Variants in GRID2 observed in about 807,000 individuals in gnomAD.
GRID2 encodes the protein glutamate ionotropic receptor delta type subunit 2, also known as glutamate receptor ionotropic, delta-2.
A neutral mutation model predicts 114.8 loss-of-function variants in GRID2; 33 were observed. That is an observed-to-expected ratio of 0.29 (90% CI 0.22 to 0.38). GRID2 has a LOEUF of 0.38. Among genes scored for constraint, GRID2 ranks in the 10% least tolerant of loss-of-function variants. The pLI is 1.00. For missense variants in GRID2, 1,184 were observed against 1,257.7 expected (o/e 0.94, Z 0.89); for synonymous variants, 505 against 449.9 (o/e 1.12, Z -1.55).
intron 8 of GRID2, among the ~76,000 whole-genome samples, chr4:93,334,325 C>A (rs1758806855): frequency 6.6e-6 from 1 of 152,106 alleles, no homozygotes; most frequent in African/African-American, 2.4e-5. Flanking sequence ...GAATGCCAGA[C>A]CTCCCTAGAG....
chr4:92,364,559 G>T (rs1553927528), intron 1 of GRID2, among the ~76,000 whole-genome samples: 2 of 151,804 alleles, frequency 1.3e-5, no homozygotes, highest in Non-Finnish European at 2.9e-5. Flanking sequence ...AAAATCAAAA[G>T]ATTTTTTTTT....
chr4:92,965,330 T>G (rs1753067950), intron 2 of GRID2, among the ~76,000 whole-genome samples: 1 of 150,974 alleles, frequency 6.6e-6, no homozygotes. Flanking sequence ...ATGAAAAAGT[T>G]TGAAATATAT....
chr4:92,615,602 A>G (rs1246898698), intron 2 of GRID2, among the ~76,000 whole-genome samples: 1 of 151,586 alleles, frequency 6.6e-6, no homozygotes, highest in Non-Finnish European at 1.5e-5. Flanking sequence ...AGGTGTTTAA[A>G]TTATTTATAT....
chr4:92,551,649 A>C (rs1726595903), intron 1 of GRID2, among the ~76,000 whole-genome samples: 1 of 152,194 alleles, frequency 6.6e-6, no homozygotes. Context: ...TGTTGGAGAT[A>C]AATTAATGGA....
At chr4:92,518,115 C>T (rs998300445) in intron 1 of GRID2, among the ~76,000 whole-genome samples, 1 of 151,804 alleles carries the variant, frequency 6.6e-6, no homozygotes, top group African/African-American at 2.4e-5. Flanking sequence ...CCCATCTTCT[C>T]TCTCTTTCTC....
chr4:92,481,570 G>A (rs1722590973), intron 1 of GRID2, among the ~76,000 whole-genome samples: 1 of 152,144 alleles, frequency 6.6e-6, no homozygotes, highest in Admixed American at 6.6e-5. Context: ...CTATATGTAT[G>A]TTTTTGTACT....
chr4:92,882,567 A>G (rs1292239646), intron 2 of GRID2, among the ~76,000 whole-genome samples: 1 of 152,118 alleles, frequency 6.6e-6, no homozygotes, highest in Non-Finnish European at 1.5e-5. Context: ...CACTCTGTTA[A>G]TTAAAAATGA....
chr4:93,315,020 C>T (rs180819515), intron 8 of GRID2, among the ~76,000 whole-genome samples: 22 of 152,106 alleles, frequency 1.4e-4, no homozygotes, highest in South Asian at 4.2e-4. Context: ...ATTGACTCAC[C>T]GTTTTGCCTG....
chr4:92,787,778 G>A (rs1480930458), intron 2 of GRID2, among the ~76,000 whole-genome samples: 1 of 151,718 alleles, frequency 6.6e-6, no homozygotes, highest in Non-Finnish European at 1.5e-5. Context: ...ATGATTGAGA[G>A]GTGTTACCAT....
chr4:93,181,769 T>G (rs1323580997), intron 4 of GRID2, among the ~76,000 whole-genome samples: 3 of 152,204 alleles, frequency 2.0e-5, no homozygotes, highest in African/African-American at 7.2e-5. Context: ...GCCTGAAGTT[T>G]AGATTTCTCT....
chr4:92,421,497 A>G (rs1374309827), intron 1 of GRID2, among the ~76,000 whole-genome samples: 1 of 152,138 alleles, frequency 6.6e-6, no homozygotes. Context: ...TGGGACTGCA[A>G]ATGAAAGTTT....
At chr4:92,918,594 A>C (rs900457798) in intron 2 of GRID2, among the ~76,000 whole-genome samples, 12 of 152,184 alleles carry the variant, frequency 7.9e-5, no homozygotes, top group Non-Finnish European at 1.5e-5. Flanking sequence ...GCCTTTCTGC[A>C]TCTATTGAGA....
chr4:92,320,535 C>T (rs914509172), intron 1 of GRID2, among the ~76,000 whole-genome samples: 3 of 151,854 alleles, frequency 2.0e-5, no homozygotes, highest in African/African-American at 4.8e-5. Flanking sequence ...AGTGTAGTGT[C>T]GTGATCTCTG....
chr4:93,680,004 G>T (rs1006068094), intron 14 of GRID2, among the ~76,000 whole-genome samples: 7 of 150,806 alleles, frequency 4.6e-5, no homozygotes, highest in African/African-American at 1.7e-4. Flanking sequence ...TTTTTTGAAA[G>T]GATCAACAAA....
intron 14 of GRID2, among the ~76,000 whole-genome samples, chr4:93,691,537 A>G (rs1365406179): frequency 6.6e-6 from 1 of 152,044 alleles, no homozygotes; most frequent in Non-Finnish European, 1.5e-5. Flanking sequence ...TGTGACCTAA[A>G]AGTTATTAGA....
At chr4:93,026,574 C>A (rs1401089384) in intron 2 of GRID2, among the ~76,000 whole-genome samples, 2 of 151,756 alleles carry the variant, frequency 1.3e-5, no homozygotes, top group Non-Finnish European at 3.0e-5. Context: ...TTCAGATTTA[C>A]TTTGATGGTA....
At position 92,975,156 on chromosome 4, in the gene GRID2, C is replaced by CAAAAAAAAAAAAAAAAAAAAA. The variant is rs527770693; in HGVS notation, c.245-109838_245-109818dup. Among the ~76,000 whole-genome samples, 214 of 46,638 alleles carry CAAAAAAAAAAAAAAAAAAAAA rather than the reference C, an allele frequency of 4.6e-3. 36 individuals are homozygous for CAAAAAAAAAAAAAAAAAAAAA. The highest frequency in any genetic ancestry group is 8.0e-3 in the African/African-American group (82 of 10,192). 30.6% of individuals were successfully genotyped at this position (46,638 alleles called of 152,430 possible). On this transcript the variant is annotated intron_variant, in intron 2 of 15. Coordinates refer to ENST00000282020, the MANE Select transcript of GRID2 (RefSeq NM_001510.4). ...TGGGCGACAGAGTGAGATTCCGCCT[C>CAAAAAAAAAAAAAAAAAAAAA]AAAAAAAAAAAAAAAAAAAAAGGTG...
chr4:92,666,670 T>TTTTTTTTC (rs368637464), intron 2 of GRID2, among the ~76,000 whole-genome samples: 1 of 133,024 alleles, frequency 7.5e-6, no homozygotes, highest in African/African-American at 2.9e-5. Flanking sequence ...TTTTTTTTTT[T>TTTTTTTTC]CAGATCTTTT....
chr4:93,707,274 T>C (rs1728087332), intron 14 of GRID2, among the ~76,000 whole-genome samples: 1 of 152,068 alleles, frequency 6.6e-6, no homozygotes, highest in Non-Finnish European at 1.5e-5. Flanking sequence ...TTGAGAAAAA[T>C]TGGTATTAGT....
Sources: gnomAD v4.1 joint callset for allele counts (sites outside exome capture counted in the v4.1 genomes callset) on GRCh38, gnomAD v4.1.1 for gene constraint, MANE v1.5 for transcripts, NCBI Gene and HGNC (gene_info 2026-07-23, HGNC 2026-07-21) for gene names.